PHLPP1: variants seen among roughly 807,000 people sequenced by gnomAD.
The protein encoded by PHLPP1 is PH domain and leucine rich repeat protein phosphatase 1, also known as PH domain leucine-rich repeat-containing protein phosphatase 1.
In PHLPP1, 42 loss-of-function variants were observed where a neutral mutation model predicts 117.2. The observed-to-expected ratio is 0.36, with a 90% CI of 0.28 to 0.46. The LOEUF (loss-of-function observed/expected upper bound fraction) is 0.46, where lower values mean the gene tolerates loss of function less well. PHLPP1 is among the 20% of genes least tolerant of loss of function. PHLPP1 has a pLI of 1.00. For missense variants in PHLPP1, 2,084 were observed against 2,241.9 expected (o/e 0.93, Z 1.42); for synonymous variants, 1,042 against 970.7 (o/e 1.07, Z -1.37).
intron 13 of PHLPP1, among the ~76,000 whole-genome samples, chr18:62,959,627 A>G (rs1910709237): frequency 6.6e-6 from 1 of 152,220 alleles, no homozygotes. Context: ...GTCATTATGC[A>G]TGCCATATAT....
At chr18:62,895,256 C>T (rs904744633) in intron 5 of PHLPP1, 99 bp downstream of exon 5, 4 of 1,261,090 alleles carry the variant, frequency 3.2e-6, no homozygotes, top group Non-Finnish European at 4.4e-6. Flanking sequence ...TTATGTTGCT[C>T]ATGTAAGTCT....
At chr18:62,900,238 A>G (rs1916675729) in intron 6 of PHLPP1, among the ~76,000 whole-genome samples, 1 of 151,882 alleles carries the variant, frequency 6.6e-6, no homozygotes, top group Non-Finnish European at 1.5e-5. Context: ...CGGAGGTTGC[A>G]GTGGGCCAAG....
chr18:62,796,244 A>G (rs1913628783), intron 1 of PHLPP1, among the ~76,000 whole-genome samples: 1 of 152,222 alleles, frequency 6.6e-6, no homozygotes, highest in African/African-American at 2.4e-5. Flanking sequence ...ATGAAGTATC[A>G]TTGTGCTTTA....
chr18:62,971,373 T>C (rs117975058), intron 14 of PHLPP1, among the ~76,000 whole-genome samples: 7,289 of 151,926 alleles, frequency 0.048, 216 homozygotes, highest in Middle Eastern at 0.12. Flanking sequence ...TTTTTTTTTT[T>C]CCCAGTCTTT....
chr18:62,848,455 A>ATTTTTT (rs56223512), intron 3 of PHLPP1, among the ~76,000 whole-genome samples: 12 of 88,508 alleles, frequency 1.4e-4, no homozygotes, highest in South Asian at 4.0e-4. Context: ...TTTTTTGTTG[A>ATTTTTT]TTTTTTTTTT....
At chr18:62,932,829 G>A (rs79617030) in intron 10 of PHLPP1, among the ~76,000 whole-genome samples, 2,053 of 152,154 alleles carry the variant, frequency 0.013, 18 homozygotes, top group Non-Finnish European at 0.021. Flanking sequence ...CAAATTATCC[G>A]TTCGTTGATG....
In PHLPP1 at chr18:62,979,800, A is replaced by G. The variant is rs1465254914; in HGVS notation, c.*369A>G. The G allele has an allele frequency of 5.3e-6, 1 of 187,360 alleles. No individual in the cohort carries two copies. The highest frequency in any genetic ancestry group is 1.1e-5 in the Non-Finnish European group (1 of 91,038). 11.6% of individuals were successfully genotyped at this position (187,360 alleles called of 1,614,324 possible). The stretch of plus-strand genomic sequence containing the variant: ...AGGCAGGGCAGGCTGCCGTTGCTAA[A>G]TGATTTAATAATATTGTAATTCTGT... On this transcript the variant is annotated 3_prime_UTR_variant, in exon 17 of 17. Coordinates refer to ENST00000262719, the MANE Select transcript of PHLPP1 (RefSeq NM_194449.4).
chr18:62,771,191 G>C (rs1041285205), intron 1 of PHLPP1, among the ~76,000 whole-genome samples: 8 of 149,324 alleles, frequency 5.4e-5, no homozygotes, highest in African/African-American at 7.5e-5. Context: ...TCCAGCCTGG[G>C]CGACAGAGTG....
chr18:62,978,773 C>T lies in PHLPP1; in HGVS notation c.4496C>T (p.Pro1499Leu), dbSNP rs201439333. The T allele has an allele frequency of 9.6e-5, 155 of 1,612,744 alleles. 1 individual carries two copies. The highest frequency in any genetic ancestry group is 1.6e-4 in the Middle Eastern group (1 of 6,082). ...GGGTCAACAGCCTCCGATGAGCCCC[C>T]GCCCGGAGCCCTAAGCGAGAACAGC... is the stretch of plus-strand genomic sequence containing the variant. ...EVGSTASDEP[P>L]PGALSENSPA... Residue 1499 changes from proline (P) to leucine (L), a missense_variant, in exon 17 of 17, where the codon CCG (proline) becomes CTG (leucine). Pro to Leu is a moderately conservative substitution (Grantham distance 98). Transcript: ENST00000262719. The surrounding 1 kb of genome is among the most constrained non-coding windows in gnomAD (Gnocchi z 7.0).
chr18:62,872,801 A>G (rs1915935585), intron 4 of PHLPP1, among the ~76,000 whole-genome samples: 1 of 151,930 alleles, frequency 6.6e-6, no homozygotes, highest in African/African-American at 2.4e-5. Flanking sequence ...AGCCTGGCCA[A>G]CATGGTAAAA....
At chr18:62,851,652 G>C (rs1214594994) in intron 3 of PHLPP1, among the ~76,000 whole-genome samples, 1 of 151,934 alleles carries the variant, frequency 6.6e-6, no homozygotes, top group Non-Finnish European at 1.5e-5. Flanking sequence ...GTGGAGACAG[G>C]GTTTCATTAT....
chr18:62,940,089 C>T (rs1376730888), intron 10 of PHLPP1, among the ~76,000 whole-genome samples: 1 of 152,040 alleles, frequency 6.6e-6, no homozygotes, highest in African/African-American at 2.4e-5. Flanking sequence ...CTGTCTCTTT[C>T]CCACCTGCTG....
chr18:62,819,409 C>T (rs907716051), intron 1 of PHLPP1, among the ~76,000 whole-genome samples: 31 of 151,688 alleles, frequency 2.0e-4, no homozygotes, highest in Admixed American at 1.4e-3. Context: ...AATATGCCAA[C>T]CAAGGGGATA....
intron 1 of PHLPP1, among the ~76,000 whole-genome samples, chr18:62,817,869 T>C (rs1914337076): frequency 6.7e-6 from 1 of 149,362 alleles, no homozygotes; most frequent in Non-Finnish European, 1.5e-5. Flanking sequence ...TTTTTTTTTT[T>C]TTTTGAGACG....
intron 2 of PHLPP1, among the ~76,000 whole-genome samples, chr18:62,836,174 T>C (rs1914890538): frequency 6.6e-6 from 1 of 151,806 alleles, no homozygotes; most frequent in South Asian, 2.1e-4. Flanking sequence ...TGGTGGCTGA[T>C]GTCTGTAATC....
rs1427885007 is a variant in PHLPP1 at position 62,717,121 on chromosome 18, A to T, written c.1438A>T (p.Thr480Ser). 1 of 1,564,892 alleles carries T rather than the reference A, an allele frequency of 6.4e-7. No individual in the cohort carries two copies. ...GTACGTGCAGCTCCACGGAGAGACC[A>T]CCCGGCGCTTGGAGGCGGAGGAGAA... ...TLYVQLHGET[T>S]RRLEAEEKPL... The change falls in exon 1 of 17, where the codon ACC (threonine) becomes TCC (serine). Residue 480 changes from threonine (T) to serine (S), a missense_variant. Thr to Ser is a moderately conservative substitution (Grantham distance 58, BLOSUM62 1). Transcript: ENST00000262719.
intron 1 of PHLPP1, among the ~76,000 whole-genome samples, chr18:62,819,514 C>T (rs1298494141): frequency 6.6e-6 from 1 of 152,032 alleles, no homozygotes; most frequent in Non-Finnish European, 1.5e-5. Flanking sequence ...TGGTCAATTT[C>T]AATTCAAACA....
intron 3 of PHLPP1, among the ~76,000 whole-genome samples, chr18:62,852,661 A>G (rs999831366): frequency 6.6e-5 from 10 of 152,116 alleles, no homozygotes; most frequent in Non-Finnish European, 1.5e-5. Context: ...GCAGTGTTTC[A>G]CTTCACACAA....
intron 6 of PHLPP1, among the ~76,000 whole-genome samples, chr18:62,901,447 C>T (rs1187167997): frequency 6.6e-6 from 1 of 152,110 alleles, no homozygotes; most frequent in African/African-American, 2.4e-5. Context: ...ATATGCTGTG[C>T]TTGCGTGTTG....
Sources: gnomAD v4.1 joint callset for allele counts (sites outside exome capture counted in the v4.1 genomes callset) on GRCh38, gnomAD v4.1.1 for gene constraint, Gnocchi (gnomAD v3.1) non-coding constraint, MANE v1.5 for transcripts, NCBI Gene and HGNC (gene_info 2026-07-23, HGNC 2026-07-21) for gene names.